SLC66A2: variants seen among roughly 807,000 people sequenced by gnomAD.
The protein encoded by SLC66A2 is solute carrier family 66 member 2.
In SLC66A2, 23 loss-of-function variants were observed where a neutral mutation model predicts 25.5. The ratio of observed to expected loss-of-function variants is 0.90; its 90% CI spans 0.65 to 1.28. SLC66A2 has a LOEUF of 1.28. Ranked by LOEUF, SLC66A2 falls within the 50% of genes most tolerant of loss-of-function variation. The pLI is 0.00. For missense variants in SLC66A2, 396 were observed against 373.1 expected, an observed-to-expected ratio of 1.06 and a Z score of -0.51; for synonymous variants, 193 against 166.5, an observed-to-expected ratio of 1.16 and a Z score of -1.23.
At chr18:79,942,274 A>T (rs1278093825) in intron 3 of SLC66A2, among the ~76,000 whole-genome samples, 1 of 152,216 alleles carries the variant, frequency 6.6e-6, no homozygotes, top group Non-Finnish European at 1.5e-5. Flanking sequence ...GGGGAGAAAG[A>T]ACAGAACACC....
rs1380858821 is a variant in SLC66A2 at position 79,904,209 on chromosome 18, G to C, written c.609-26C>G. 6.2e-7 allele frequency: 1 copy of C among 1,607,344 alleles called. No homozygotes were observed. Among genetic ancestry groups the C allele is most frequent in the Non-Finnish European group, 8.5e-7 (1 of 1,175,300 alleles). ...CTGTGGAGACACAAGCAGGCGGTCA[G>C]CGGTGGGGAGGGCGGCGACCTGGGC... On this transcript the variant is annotated intron_variant, in intron 5 of 5. Transcript: ENST00000397778. The surrounding 1 kb of genome is among the most constrained non-coding windows in gnomAD (Gnocchi z 6.3).
At chr18:79,916,881 G>A (rs1485796512) in intron 5 of SLC66A2, among the ~76,000 whole-genome samples, 1 of 152,250 alleles carries the variant, frequency 6.6e-6, no homozygotes, top group Admixed American at 6.5e-5. Context: ...ACCCTAACAT[G>A]GCCCAGAAGT....
chr18:79,940,705 C>T lies in SLC66A2; in HGVS notation c.337+2624G>A, dbSNP rs551873376. Among the ~76,000 whole-genome samples the T allele has an allele frequency of 6.6e-5, 10 of 152,274 alleles. No individual in the cohort carries two copies. Among genetic ancestry groups the T allele is most frequent in the Non-Finnish European group, 1.0e-4 (7 of 68,006 alleles). ...TGGCAGATGAGAGGACATGAGCCCA[C>T]ACCTTTCATCAAGACGCCCTGCAGG... On this transcript the variant is annotated intron_variant, in intron 3 of 5. Coordinates refer to ENST00000397778, the MANE Select transcript of SLC66A2 (RefSeq NM_025078.5). The surrounding 1 kb of genome is among the most constrained non-coding windows in gnomAD (Gnocchi z 4.1).
At chr18:79,938,343 C>T (rs531244353) in intron 3 of SLC66A2, among the ~76,000 whole-genome samples, 3 of 152,084 alleles carry the variant, frequency 2.0e-5, no homozygotes, top group African/African-American at 2.4e-5. Flanking sequence ...CACTCCCAAC[C>T]GCAGTCAGCC....
At chr18:79,925,734 T>C (rs916444623) in intron 4 of SLC66A2, among the ~76,000 whole-genome samples, 6 of 152,210 alleles carry the variant, frequency 3.9e-5, no homozygotes, top group African/African-American at 7.2e-5. Context: ...GAAGATCCGA[T>C]TTCTCATCAG....
chr18:79,917,510 G>A lies in SLC66A2; in HGVS notation c.608+1674C>T, dbSNP rs893505328. Among the ~76,000 whole-genome samples the A allele has an allele frequency of 5.9e-5, 9 of 152,118 alleles. No individual in the cohort carries two copies. Among genetic ancestry groups the A allele is most frequent in the Non-Finnish European group, 1.3e-4 (9 of 68,004 alleles). On this transcript the variant is annotated intron_variant, in intron 5 of 5. Coordinates refer to ENST00000397778, the MANE Select transcript of SLC66A2 (RefSeq NM_025078.5). The surrounding 1 kb of genome is among the most constrained non-coding windows in gnomAD (Gnocchi z 6.0). ...GATCTCCAGGTCGCAAGCTCGGCAC[G>A]CGGGCACTGCCCACAGGATCTCCAG... is the stretch of plus-strand genomic sequence containing the variant.
chr18:79,947,930 G>C (rs994299116), intron 2 of SLC66A2, among the ~76,000 whole-genome samples: 12 of 152,144 alleles, frequency 7.9e-5, no homozygotes, highest in African/African-American at 1.2e-4. Context: ...ATGTGTGGTA[G>C]GTAGGGAGGT....
At chr18:79,923,132 T>G (rs56296281) in intron 4 of SLC66A2, among the ~76,000 whole-genome samples, 69,467 of 148,380 alleles carry the variant, frequency 0.47, 17,960 homozygotes, top group Admixed American at 0.58. Context: ...CAGCGGGGCG[T>G]GGGCTCATGT....
At chr18:79,923,410 C>T (rs978634490) in intron 4 of SLC66A2, among the ~76,000 whole-genome samples, 5 of 151,890 alleles carry the variant, frequency 3.3e-5, no homozygotes, top group Non-Finnish European at 7.4e-5. Flanking sequence ...GGACACAGGA[C>T]GCCAGGTGAG....
chr18:79,916,058 G>GTACC (rs1984001601), intron 5 of SLC66A2: 3 of 189,288 alleles, frequency 1.6e-5, no homozygotes, highest in African/African-American at 8.5e-5. Flanking sequence ...TACCCATGGC[G>GTACC]CTCCCATACC....
In SLC66A2 at chr18:79,933,952, AC is replaced by A; in HGVS notation, c.391+16del. The stretch of plus-strand genomic sequence containing the variant: ...AAAAGGAACGTGCTGCGGACAGTGC[AC>A]GCGCAGGGTACATACCCAGGAAGGA... On this transcript the variant is annotated intron_variant, in intron 4 of 5. Transcript: ENST00000397778. 3 of 1,608,488 alleles carry A rather than the reference AC, an allele frequency of 1.9e-6. No individual in the cohort carries two copies. The highest frequency in any genetic ancestry group is 2.5e-6 in the Non-Finnish European group (3 of 1,177,226).
intron 4 of SLC66A2, among the ~76,000 whole-genome samples, chr18:79,926,885 G>A (rs1007502624): frequency 6.6e-6 from 1 of 152,086 alleles, no homozygotes; most frequent in Non-Finnish European, 1.5e-5. Flanking sequence ...CACAAGTGTT[G>A]GCAAAGAAAC....
rs1216746177 is a variant in SLC66A2, at chr18:79,916,177, TACCCTCCCATACCCACGGTGCTCCC to T, written c.608+2982_608+3006del. 2.7e-4 allele frequency among the ~76,000 whole-genome samples: 15 copies of T among 55,030 alleles called. 1 individual carries two copies. In the South Asian group the frequency reaches 9.2e-3, roughly 34 times the overall value. 36.1% of individuals were successfully genotyped at this position (55,030 alleles called of 152,430 possible). ...CGCTCTCGTACCCGCAGTGCTCCCG[TACCCTCCCATACCCACGGTGCTCCC>T]GTACCCGCGGCGCTCTTGTACCTGC... On this transcript the variant is annotated intron_variant, in intron 5 of 5. Transcript: ENST00000397778.
At position 79,932,582 on chromosome 18, in the gene SLC66A2, G is replaced by T. The variant is rs1030358865; in HGVS notation, c.391+1387C>A. 5.3e-5 allele frequency among the ~76,000 whole-genome samples: 8 copies of T among 152,154 alleles called. No homozygotes were observed. The East Asian group carries it at 1.5e-3, about 29-fold the overall frequency. ...TTTTTAGCTAGACTGACCAAAAAAA[G>T]AAAGGAAAGGAGGGGATCAAATTAC... is the stretch of plus-strand genomic sequence containing the variant. On this transcript the variant is annotated intron_variant, in intron 4 of 5. Transcript: ENST00000397778.
rs1165556281 is a variant in SLC66A2 at position 79,940,903 on chromosome 18, G to A, written c.337+2426C>T. Among the ~76,000 whole-genome samples the A allele has an allele frequency of 1.3e-5, 2 of 152,156 alleles. No homozygotes were observed. The highest frequency in any genetic ancestry group is 1.9e-4 in the East Asian group (1 of 5,190). ...CCACTTGAGGTCATTTGGGGCCCAG[G>A]AGTCATGCAGCTTGGTTCTCAGTCC... On this transcript the variant is annotated intron_variant, in intron 3 of 5. Coordinates refer to ENST00000397778, the MANE Select transcript of SLC66A2 (RefSeq NM_025078.5). The surrounding 1 kb of genome is among the most constrained non-coding windows in gnomAD (Gnocchi z 4.1).
Position 79,928,207 on chromosome 18 carries a change from G to A in SLC66A2, c.391+5762C>T, listed in dbSNP as rs544057875. Among the ~76,000 whole-genome samples, 5 of 152,310 alleles carry A rather than the reference G, an allele frequency of 3.3e-5. No homozygotes were observed. The East Asian group carries it at 9.7e-4, about 29-fold the overall frequency. ...GAAAGGCCCCAGCCCAGATGGCACTGGAATAAACAGTTTTCCCCAAGTCAC... is the reference window on the plus strand; with the variant it reads ...GAAAGGCCCCAGCCCAGATGGCACTAGAATAAACAGTTTTCCCCAAGTCAC... On this transcript the variant is annotated intron_variant, in intron 4 of 5. Transcript: ENST00000397778.
chr18:79,905,745 C>CCA (rs1361235293), intron 5 of SLC66A2, among the ~76,000 whole-genome samples: 1 of 152,210 alleles, frequency 6.6e-6, no homozygotes, highest in African/African-American at 2.4e-5. Flanking sequence ...GGCCTGAGAG[C>CCA]CACCACCACG....
chr18:79,950,230 G>A (rs538117100), intron 2 of SLC66A2, among the ~76,000 whole-genome samples: 3 of 152,200 alleles, frequency 2.0e-5, no homozygotes, highest in African/African-American at 7.2e-5. Flanking sequence ...GTGTGGTGGT[G>A]CGCCTGTGGT....
chr18:79,905,415 C>CT (rs1981960680), intron 5 of SLC66A2, among the ~76,000 whole-genome samples: 1 of 151,830 alleles, frequency 6.6e-6, no homozygotes, highest in Non-Finnish European at 1.5e-5. Flanking sequence ...GTGCAGGCCC[C>CT]TCGGCCTCTC....
Sources: gnomAD v4.1 joint callset for allele counts (sites outside exome capture counted in the v4.1 genomes callset) on GRCh38, gnomAD v4.1.1 for gene constraint, Gnocchi (gnomAD v3.1) non-coding constraint, MANE v1.5 for transcripts, NCBI Gene and HGNC (gene_info 2026-07-23, HGNC 2026-07-21) for gene names.